The following AMD1 variants were observed in gnomAD, a reference collection of about 807,000 sequenced individuals.
AMD1 encodes adenosylmethionine decarboxylase 1.
In AMD1, 11 loss-of-function variants were observed where a neutral mutation model predicts 40.2. The ratio of observed to expected loss-of-function variants is 0.27; its 90% confidence interval spans 0.17 to 0.45. The LOEUF is 0.45. Ranked by LOEUF, AMD1 falls within the 20% of genes least tolerant of loss-of-function variation. The pLI is 1.00. For synonymous variants in AMD1, 121 were observed against 130.8 expected (o/e 0.93, Z 0.51); for missense variants, 257 against 410.2 (o/e 0.63, Z 3.23).
rs944954077 is a variant in AMD1, at chr6:110,881,528, G to A, written c.111-5977G>A. Among the ~76,000 whole-genome samples, 7 of 152,024 alleles carry A rather than the reference G, an allele frequency of 4.6e-5. No individual in the cohort carries two copies. The South Asian group carries it at 1.2e-3, about 27-fold the overall frequency. Reference sequence around the variant, plus strand: ...ACCACCTAAGAATTGTGTGCTTCGGGCCAGGCATGGTGGTGCATGCCTGTA... The same window carrying A: ...ACCACCTAAGAATTGTGTGCTTCGGACCAGGCATGGTGGTGCATGCCTGTA... On this transcript the variant is annotated intron_variant, in intron 1 of 8. Transcript: ENST00000368885.
intron 1 of AMD1, among the ~76,000 whole-genome samples, chr6:110,880,442 A>G (rs1036313081): frequency 2.0e-5 from 3 of 152,200 alleles, no homozygotes; most frequent in Admixed American, 2.0e-4. Context: ...TGCCAAATGT[A>G]ATGCCCTGAA....
the AMD1 span, among the ~76,000 whole-genome samples, chr6:110,846,837 T>A: frequency 6.6e-6 from 1 of 151,974 alleles, no homozygotes; most frequent in Admixed American, 6.6e-5. Flanking sequence ...GCCACTGCAC[T>A]CCAGCCTGGG....
At chr6:110,875,452 G>C in intron 1 of AMD1, 1 of 460,360 alleles carries the variant, frequency 2.2e-6, no homozygotes, top group Non-Finnish European at 3.9e-6. Flanking sequence ...CCTGGGGGAG[G>C]GGAGGAGGCC....
At chr6:110,869,800 C>T (rs1032753549), upstream of AMD1, among the ~76,000 whole-genome samples, 2 of 152,212 alleles carry the variant, frequency 1.3e-5, no homozygotes, top group African/African-American at 4.8e-5. Context: ...TGAGCCACCA[C>T]ACCTGGCCTA....
intron 3 of AMD1, chr6:110,889,230 T>A (rs1785875488): frequency 3.8e-6 from 1 of 264,250 alleles, no homozygotes; most frequent in Admixed American, 5.3e-5. Flanking sequence ...TTCCAGTAGT[T>A]AATTTCTTAA....
the AMD1 span, among the ~76,000 whole-genome samples, chr6:110,868,166 G>T: frequency 6.6e-6 from 1 of 150,938 alleles, no homozygotes; most frequent in Non-Finnish European, 1.5e-5. Flanking sequence ...TATTATTTTT[G>T]AGACAGAGTC....
chr6:110,884,058 C>T (rs563051407), intron 1 of AMD1, among the ~76,000 whole-genome samples: 1 of 152,222 alleles, frequency 6.6e-6, no homozygotes, highest in African/African-American at 2.4e-5. Context: ...AACAGCACAT[C>T]AGAGGCTTTG....
rs1370327573 is a variant in AMD1 at position 110,892,805 on chromosome 6, C to T, written c.686C>T (p.Ser229Leu). Reference protein sequence around the residue: ...DATMFNPCGYSMNGMKSDGTY... With the variant: ...DATMFNPCGYLMNGMKSDGTY... ...ACAATGTTCAATCCTTGTGGGTATT[C>T]GATGAATGGAATGAAATCGGATGTG... is the stretch of plus-strand genomic sequence containing the variant. Residue 229 changes from serine to leucine, a missense_variant, in exon 7 of 9, where the codon TCG becomes TTG. This residue lies in a region of AMD1 where 192 missense variants were observed against 296.5 expected (regional missense o/e 0.65). Transcript: ENST00000368885. 1.9e-6 allele frequency: 3 copies of T among 1,613,758 alleles called. No individual in the cohort carries two copies. Among genetic ancestry groups the T allele is most frequent in the Non-Finnish European group, 2.5e-6 (3 of 1,179,954 alleles).
In AMD1 at chr6:110,875,007, A is replaced by C; in HGVS notation, c.-99A>C. The C allele has an allele frequency of 2.4e-6, 2 of 821,554 alleles. No homozygotes were observed. The highest frequency in any genetic ancestry group is 3.9e-6 in the Non-Finnish European group (2 of 517,252). The allele number at this position is 821,554 out of a possible 1,614,324, so 50.9% of individuals were successfully genotyped here. A position where few individuals can be genotyped will look rare whatever the true frequency, so the allele number is the denominator to read the frequency against. ...AAAAAGGAACCTGAACTTTAGTAAC[A>C]CAGCTGGAACAATCCGCAGCGGCGG... is the stretch of plus-strand genomic sequence containing the variant. On this transcript the variant is annotated 5_prime_UTR_variant, in exon 1 of 9. Coordinates refer to ENST00000368885, the MANE Select transcript of AMD1 (RefSeq NM_001634.6).
the AMD1 span, among the ~76,000 whole-genome samples, chr6:110,821,442 C>T: frequency 1.3e-5 from 2 of 151,980 alleles, no homozygotes; most frequent in African/African-American, 4.8e-5. Context: ...GGTGAAACCC[C>T]GTCTCTACTA....
At chr6:110,880,531 TGTTTATGATGTAAG>T (rs1363220355) in intron 1 of AMD1, among the ~76,000 whole-genome samples, 2 of 152,244 alleles carry the variant, frequency 1.3e-5, no homozygotes, top group Non-Finnish European at 2.9e-5. Context: ...AGTTAATTTT[TGTTTATGATGTAAG>T]GTAAAAGTCC....
the AMD1 span, among the ~76,000 whole-genome samples, chr6:110,868,907 A>G: frequency 2.6e-5 from 4 of 151,776 alleles, no homozygotes; most frequent in African/African-American, 9.7e-5. Flanking sequence ...AAAAAAATAC[A>G]AAATTAGCCA....
upstream of AMD1, among the ~76,000 whole-genome samples, chr6:110,872,920 T>G (rs1784943608): frequency 6.6e-6 from 1 of 152,242 alleles, no homozygotes; most frequent in African/African-American, 2.4e-5. Context: ...GTAGGCAGAT[T>G]CTTCAGTAAG....
At chr6:110,860,868 CACAGAG>C in the AMD1 span, among the ~76,000 whole-genome samples, 1,500 of 142,296 alleles carry the variant, frequency 0.011, 22 homozygotes, top group African/African-American at 0.037. Context: ...CACACACACA[CACAGAG>C]AGAGAGAACA....
chr6:110,848,243 T>C, the AMD1 span, among the ~76,000 whole-genome samples: 1 of 151,694 alleles, frequency 6.6e-6, no homozygotes, highest in African/African-American at 2.4e-5. Flanking sequence ...TGATTTCAGC[T>C]GGGCTCGGTG....
the AMD1 span, among the ~76,000 whole-genome samples, chr6:110,834,661 CA>C: frequency 6.6e-6 from 1 of 150,496 alleles, no homozygotes; most frequent in Admixed American, 6.6e-5. Flanking sequence ...CTGCATCCAC[CA>C]AAAAAAAATC....
chr6:110,874,740 G>GA (rs1784999844), upstream of AMD1: 1 of 166,744 alleles, frequency 6.0e-6, no homozygotes, highest in South Asian at 1.4e-4. Flanking sequence ...CTGGTCTTTT[G>GA]GGGGGAGCCG....
the AMD1 span, among the ~76,000 whole-genome samples, chr6:110,828,855 G>A: frequency 6.6e-6 from 1 of 152,144 alleles, no homozygotes; most frequent in Admixed American, 6.6e-5. Context: ...TAGGTTGGGT[G>A]CCTTTCATCT....
chr6:110,873,434 C>T (rs1180245213), upstream of AMD1, among the ~76,000 whole-genome samples: 6 of 152,168 alleles, frequency 3.9e-5, no homozygotes, highest in Non-Finnish European at 5.9e-5. Context: ...ACAGGTTTCA[C>T]GGAGACACGT....
Sources: gnomAD v4.1 joint callset for allele counts (sites outside exome capture counted in the v4.1 genomes callset) on GRCh38, gnomAD v4.1.1 for gene constraint, gnomAD v4.1.1 regional missense constraint, MANE v1.5 for transcripts, NCBI Gene and HGNC (gene_info 2026-07-23, HGNC 2026-07-21) for gene names.